The following FAT4 variants were observed in gnomAD, a reference collection of about 807,000 sequenced individuals.
The protein encoded by FAT4 is protocadherin Fat 4.
FAT4 carries 84 observed loss-of-function variants against 303.9 expected under a neutral mutation model. The ratio of observed to expected loss-of-function variants is 0.28; its 90% CI spans 0.23 to 0.33. The LOEUF is 0.33. Ranked by LOEUF, FAT4 falls within the 10% of genes least tolerant of loss-of-function variation. The pLI, the probability that FAT4 is intolerant of heterozygous loss-of-function variation, is 1.00. For missense variants in FAT4, 6,005 were observed against 6,146.8 expected, an observed-to-expected ratio of 0.98 and a Z score of 0.77; for synonymous variants, 2,307 against 2,298.8, an observed-to-expected ratio of 1.00 and a Z score of -0.10.
At chr4:125,372,066 G>C (rs981709995) in intron 2 of FAT4, among the ~76,000 whole-genome samples, 2 of 152,008 alleles carry the variant, frequency 1.3e-5, no homozygotes, top group Admixed American at 6.6e-5. Flanking sequence ...TTGAATCAAG[G>C]CTGGGCATAG....
intron 2 of FAT4, among the ~76,000 whole-genome samples, 176 bp downstream of exon 2, chr4:125,321,762 A>G (rs932765013): frequency 3.9e-5 from 6 of 152,224 alleles, no homozygotes; most frequent in Non-Finnish European, 8.8e-5. Flanking sequence ...TTTAGTTTTA[A>G]TCTTGGTTGC....
chr4:125,372,434 G>C (rs959027147), intron 2 of FAT4, among the ~76,000 whole-genome samples: 1 of 150,242 alleles, frequency 6.7e-6, no homozygotes, highest in Admixed American at 6.6e-5. Flanking sequence ...AAAAAAAATA[G>C]TGAAATCATG....
At chr4:125,408,028 G>A (rs1323700445) in intron 4 of FAT4, among the ~76,000 whole-genome samples, 1 of 151,982 alleles carries the variant, frequency 6.6e-6, no homozygotes, top group Non-Finnish European at 1.5e-5. Flanking sequence ...CTTAGTTATT[G>A]CAATGACCAC....
At chr4:125,485,108 TGAGTCAGA>T (rs984192593) in intron 16 of FAT4, among the ~76,000 whole-genome samples, 2 of 152,148 alleles carry the variant, frequency 1.3e-5, no homozygotes, top group Admixed American at 6.5e-5. Flanking sequence ...AAAGTTGCTC[TGAGTCAGA>T]GAGTCATTAA....
In FAT4 at chr4:125,315,397, C is replaced by T. The variant is rs1256853067; in HGVS notation, c.-593C>T. Among the ~76,000 whole-genome samples the T allele has an allele frequency of 1.3e-5, 2 of 152,276 alleles. No individual in the cohort carries two copies. Among genetic ancestry groups the T allele is most frequent in the East Asian group, 3.9e-4 (2 of 5,154 alleles). On this transcript the variant is annotated 5_prime_UTR_variant, in exon 1 of 18. Coordinates refer to ENST00000394329, the MANE Select transcript of FAT4 (RefSeq NM_001291303.3). ...ACAATAAAAGCAGAGATAGCGAGGG[C>T]AGGGGCGAGGCGCGCTAGAGTGGGC...
chr4:125,434,254 C>T lies in FAT4; in HGVS notation c.7028C>T (p.Ala2343Val), dbSNP rs773830558. The change falls in exon 8 of 18, where the codon GCC becomes GTC. Residue 2343 changes from alanine (A) to valine (V), a missense_variant. Ala to Val is a moderately conservative substitution (Grantham distance 64, BLOSUM62 0). Coordinates refer to ENST00000394329, the MANE Select transcript of FAT4 (RefSeq NM_001291303.3). ...TTTCTTTTCTTTTTAGGATCCCCTG[C>T]CTTGACTGGAACTGGAACAATCAAC... Reference protein sequence around the residue: ...MITATDSGSPALTGTGTINVI... With the variant: ...MITATDSGSPVLTGTGTINVI... 11 of 1,611,766 alleles carry T rather than the reference C, an allele frequency of 6.8e-6. No individual in the cohort carries two copies. The highest frequency in any genetic ancestry group is 1.6e-4 in the Middle Eastern group (1 of 6,072).
chr4:125,480,472 G>T (rs1221239493), intron 15 of FAT4, among the ~76,000 whole-genome samples: 12 of 152,048 alleles, frequency 7.9e-5, no homozygotes, highest in African/African-American at 2.9e-4. Context: ...ATTTCGAGCT[G>T]CACATCTCAC....
chr4:125,326,713 C>T (rs1393449466), intron 2 of FAT4, among the ~76,000 whole-genome samples: 1 of 152,116 alleles, frequency 6.6e-6, no homozygotes, highest in Non-Finnish European at 1.5e-5. Flanking sequence ...TTTTTAATAA[C>T]TTTGTTTTCA....
chr4:125,328,889 A>C (rs552885860), intron 2 of FAT4, among the ~76,000 whole-genome samples: 71 of 152,320 alleles, frequency 4.7e-4, no homozygotes, highest in African/African-American at 1.7e-3. Flanking sequence ...ACTTGTAAGA[A>C]TGATTATTTC....
At position 125,424,318 on chromosome 4, in the gene FAT4, T is replaced by C. The variant is rs1725015364; in HGVS notation, c.7018+7696T>C. Among the ~76,000 whole-genome samples, 3 of 152,190 alleles carry C rather than the reference T, an allele frequency of 2.0e-5. No homozygotes were observed. In the South Asian group the frequency reaches 6.2e-4, roughly 32 times the overall value. The stretch of plus-strand genomic sequence containing the variant: ...TGTTCTCCTAATAGTGAGTGAGTTC[T>C]CAGGAGATGTGATGGTTCTATAAGG... On this transcript the variant is annotated intron_variant, in intron 7 of 17. Transcript: ENST00000394329.
intron 5 of FAT4, among the ~76,000 whole-genome samples, chr4:125,412,120 G>GA (rs1303553836): frequency 6.6e-6 from 1 of 151,578 alleles, no homozygotes; most frequent in Non-Finnish European, 1.5e-5. Context: ...GATATTTGTT[G>GA]AAAAAATAGA....
At chr4:125,366,827 G>C (rs1732906129) in intron 2 of FAT4, among the ~76,000 whole-genome samples, 1 of 151,818 alleles carries the variant, frequency 6.6e-6, no homozygotes, top group Non-Finnish European at 1.5e-5. Context: ...TTGTGGTTTT[G>C]ACTTGCATTT....
intron 3 of FAT4, among the ~76,000 whole-genome samples, chr4:125,400,913 A>G (rs1734364996): frequency 6.6e-6 from 1 of 152,010 alleles, no homozygotes; most frequent in Non-Finnish European, 1.5e-5. Context: ...GCTGTTAGCA[A>G]TTCAAGGGTA....
chr4:125,321,577 G>A lies in FAT4; in HGVS notation c.5166G>A (p.Gln1722=). ...AATCAACTGCTTTTCCCAGAACACAGAGAGCAGAGGTAATGATTTTGTAGT... is the reference window on the plus strand; with the variant it reads ...AATCAACTGCTTTTCCCAGAACACAAAGAGCAGAGGTAATGATTTTGTAGT... ...IEKSTAFPRT[Q]RAEVEITLQD... Residue 1722 remains glutamine, a synonymous_variant, in exon 2 of 18, where the codon CAG becomes CAA. Coordinates refer to ENST00000394329, the MANE Select transcript of FAT4 (RefSeq NM_001291303.3). 6.3e-7 allele frequency: 1 copy of A among 1,589,984 alleles called. No homozygotes were observed. Among genetic ancestry groups the A allele is most frequent in the South Asian group, 1.1e-5 (1 of 87,770 alleles).
At position 125,492,634 on chromosome 4, in the gene FAT4, C is replaced by G. The variant is rs1029510274; in HGVS notation, c.*866C>G. 2 of 152,512 alleles carry G rather than the reference C, an allele frequency of 1.3e-5. No homozygotes were observed. Among genetic ancestry groups the G allele is most frequent in the African/African-American group, 4.8e-5 (2 of 41,432 alleles). 9.4% of individuals were successfully genotyped at this position (152,512 alleles called of 1,614,324 possible). ...ATTTTCCAACCAGATAACATTTACT[C>G]TAAGTACCCAGTTTTTATAATTTAT... is the stretch of plus-strand genomic sequence containing the variant. On this transcript the variant is annotated 3_prime_UTR_variant, in exon 18 of 18. Coordinates refer to ENST00000394329, the MANE Select transcript of FAT4 (RefSeq NM_001291303.3).
intron 8 of FAT4, among the ~76,000 whole-genome samples, chr4:125,441,705 T>G (rs998838629): frequency 6.6e-6 from 1 of 152,210 alleles, no homozygotes; most frequent in Non-Finnish European, 1.5e-5. Context: ...TCAAAATCTT[T>G]CAATTCCAGT....
intron 7 of FAT4, among the ~76,000 whole-genome samples, chr4:125,422,544 A>T (rs1361845723): frequency 1.3e-5 from 2 of 152,150 alleles, no homozygotes; most frequent in Non-Finnish European, 2.9e-5. Flanking sequence ...TCCTGCCACC[A>T]TGTGAAGAAA....
At chr4:125,487,994 T>G (rs954970342) in intron 17 of FAT4, among the ~76,000 whole-genome samples, 5 of 152,158 alleles carry the variant, frequency 3.3e-5, no homozygotes, top group African/African-American at 7.2e-5. Flanking sequence ...GAGACAAACA[T>G]TAATCAAATT....
chr4:125,415,502 A>G lies in FAT4; in HGVS notation c.6539A>G (p.Asp2180Gly). The change falls in exon 6 of 18, where the codon GAT becomes GGT. Residue 2180 changes from aspartate (D) to glycine (G), a missense_variant. Asp to Gly is a moderately conservative substitution (Grantham distance 94, BLOSUM62 -1). Coordinates refer to ENST00000394329, the MANE Select transcript of FAT4 (RefSeq NM_001291303.3). ...GATATAATACAAGTGTTCGCAGCAG[A>G]TGGAGATGAAGGCACAAATGGACAG... ...GTDIIQVFAA[D>G]GDEGTNGQVR... 1 of 1,614,134 alleles carries G rather than the reference A, an allele frequency of 6.2e-7. No homozygotes were observed. Among genetic ancestry groups the G allele is most frequent in the Non-Finnish European group, 8.5e-7 (1 of 1,179,986 alleles).
Sources: allele counts gnomAD v4.1 joint callset (sites outside exome capture counted in the v4.1 genomes callset), GRCh38; gene constraint gnomAD v4.1.1; transcripts MANE v1.5; gene names NCBI Gene and HGNC (gene_info 2026-07-23, HGNC 2026-07-21).